The following ZNF782 variants were observed in gnomAD, a reference collection of about 807,000 sequenced individuals.
ZNF782 encodes the protein zinc finger protein 782.
ZNF782 carries 12 observed loss-of-function variants against 13.0 expected under a neutral mutation model. The ratio of observed to expected loss-of-function variants is 0.92; its 90% confidence interval spans 0.59 to 1.50. ZNF782 has a LOEUF of 1.50. ZNF782 is among the 40% of genes most tolerant of loss of function. ZNF782 has a pLI of 0.00. For missense variants in ZNF782, 770 were observed against 822.9 expected, an observed-to-expected ratio of 0.94 and a Z score of 0.79; for synonymous variants, 284 against 283.0, an observed-to-expected ratio of 1.00 and a Z score of -0.04.
chr9:96,916,643 C>G, the ZNF782 span, among the ~76,000 whole-genome samples: 6 of 152,106 alleles, frequency 3.9e-5, no homozygotes. Flanking sequence ...AAGCTGCAAC[C>G]TGGACACTCC....
At chr9:96,891,647 C>A in the ZNF782 span, 1 of 149,624 alleles carries the variant, frequency 6.7e-6, no homozygotes, top group African/African-American at 2.5e-5. Flanking sequence ...GCAGTCTCTG[C>A]CTCCCGCGTT....
chr9:96,893,999 C>CAAAAAAAAAAAAA, the ZNF782 span: 51 of 48,886 alleles, frequency 1.0e-3, 5 homozygotes, highest in African/African-American at 5.7e-3. Flanking sequence ...GACTCCGTCT[C>CAAAAAAAAAAAAA]AAAAAAAAAA....
chr9:96,861,031 G>C (rs1208638257), intron 2 of ZNF782, among the ~76,000 whole-genome samples: 1 of 152,180 alleles, frequency 6.6e-6, no homozygotes, highest in Non-Finnish European at 1.5e-5. Context: ...AGGATTGCTT[G>C]AGCCCAGAAG....
chr9:96,832,398 AG>A (rs1850834803), intron 4 of ZNF782, among the ~76,000 whole-genome samples: 1 of 152,230 alleles, frequency 6.6e-6, no homozygotes, highest in Non-Finnish European at 1.5e-5. Context: ...GAGGGAAGGC[AG>A]GCATATTGTA....
At chr9:96,849,045 C>T (rs75501138) in intron 3 of ZNF782, among the ~76,000 whole-genome samples, 17,004 of 152,152 alleles carry the variant, frequency 0.11, 2,941 homozygotes, top group African/African-American at 0.37. Context: ...AACAACTGAT[C>T]TTCGACAAAG....
chr9:96,908,472 C>T, the ZNF782 span, among the ~76,000 whole-genome samples: 1 of 152,158 alleles, frequency 6.6e-6, no homozygotes, highest in Non-Finnish European at 1.5e-5. Flanking sequence ...GAGAAACAGT[C>T]TTGGAAAAAA....
At chr9:96,851,200 TA>T (rs1283635024) in intron 3 of ZNF782, among the ~76,000 whole-genome samples, 1 of 151,392 alleles carries the variant, frequency 6.6e-6, no homozygotes, top group Non-Finnish European at 1.5e-5. Flanking sequence ...TAAAAAAAAA[TA>T]AAAAAAGTAA....
At chr9:96,884,530 A>G in the ZNF782 span, among the ~76,000 whole-genome samples, 2 of 152,204 alleles carry the variant, frequency 1.3e-5, no homozygotes, top group African/African-American at 4.8e-5. Context: ...GGTGTGAGTC[A>G]GCCTTCCACC....
chr9:96,882,975 C>G, the ZNF782 span, among the ~76,000 whole-genome samples: 1 of 151,750 alleles, frequency 6.6e-6, no homozygotes, highest in East Asian at 1.9e-4. Context: ...CATGAAGGAA[C>G]AATGCAGAGA....
At chr9:96,832,147 G>A (rs1850825263) in intron 4 of ZNF782, among the ~76,000 whole-genome samples, 1 of 151,444 alleles carries the variant, frequency 6.6e-6, no homozygotes, top group South Asian at 2.1e-4. Context: ...ACCATTTAAT[G>A]TAGTTTTTTT....
chr9:96,884,877 A>T, the ZNF782 span, among the ~76,000 whole-genome samples: 1 of 152,144 alleles, frequency 6.6e-6, no homozygotes, highest in African/African-American at 2.4e-5. Flanking sequence ...GATACAATTT[A>T]AAAAATGCTT....
At chr9:96,927,714 G>T in the ZNF782 span, among the ~76,000 whole-genome samples, 40 of 151,744 alleles carry the variant, frequency 2.6e-4, no homozygotes, top group Non-Finnish European at 5.1e-4. Flanking sequence ...ATGTCATATG[G>T]ATCATAATTA....
At chr9:96,876,192 G>T (rs544128150), upstream of ZNF782, among the ~76,000 whole-genome samples, 4 of 152,158 alleles carry the variant, frequency 2.6e-5, no homozygotes, top group Non-Finnish European at 5.9e-5. Context: ...AATGTGTACT[G>T]GCAATTATAA....
Position 96,866,697 on chromosome 9 carries a change from A to G in ZNF782, c.-456-5094T>C, listed in dbSNP as rs1320146883. ...CGTGTGCCTGGAAAAACCCCACTCAATGCCAGCCCATGAAGGCAGCTAGGA... is the reference window on the plus strand; with the variant it reads ...CGTGTGCCTGGAAAAACCCCACTCAGTGCCAGCCCATGAAGGCAGCTAGGA... On this transcript the variant is annotated intron_variant, in intron 1 of 5. Transcript: ENST00000498811. Among the ~76,000 whole-genome samples the G allele has an allele frequency of 4.1e-4, 62 of 151,612 alleles. 2 individuals carry two copies. The highest frequency in any genetic ancestry group is 4.0e-3 in the Admixed American group (61 of 15,262).
intron 1 of ZNF782, among the ~76,000 whole-genome samples, chr9:96,869,609 T>C (rs1851800677): frequency 6.6e-6 from 1 of 152,220 alleles, no homozygotes; most frequent in Non-Finnish European, 1.5e-5. Flanking sequence ...TGATAACTTT[T>C]ATGGGGCAAA....
chr9:96,830,947 G>A (rs1193174923), intron 4 of ZNF782, among the ~76,000 whole-genome samples: 1 of 152,188 alleles, frequency 6.6e-6, no homozygotes, highest in Non-Finnish European at 1.5e-5. Context: ...ACAGCAGAAT[G>A]AAGAGGACAG....
chr9:96,889,524 C>G, the ZNF782 span: 3 of 152,296 alleles, frequency 2.0e-5, no homozygotes, highest in East Asian at 1.9e-4. Flanking sequence ...CTCAGCCTCC[C>G]GAGTAGCTGG....
At chr9:96,910,979 T>C in the ZNF782 span, among the ~76,000 whole-genome samples, 2 of 148,912 alleles carry the variant, frequency 1.3e-5, no homozygotes, top group Non-Finnish European at 3.0e-5. Flanking sequence ...AATTTGCTTG[T>C]ATTTTTAATT....
chr9:96,827,995 C>G (rs1460196717), intron 4 of ZNF782, among the ~76,000 whole-genome samples: 1 of 152,020 alleles, frequency 6.6e-6, no homozygotes, highest in Non-Finnish European at 1.5e-5. Flanking sequence ...TTAAGGAAGC[C>G]CTGGCAACTA....
Sources: gnomAD v4.1 joint callset for allele counts (sites outside exome capture counted in the v4.1 genomes callset) on GRCh38, gnomAD v4.1.1 for gene constraint, MANE v1.5 for transcripts, NCBI Gene and HGNC (gene_info 2026-07-23, HGNC 2026-07-21) for gene names.